The following WWOX variants were observed in gnomAD, a reference collection of about 807,000 sequenced individuals.
WWOX encodes the protein WW domain containing oxidoreductase.
A neutral mutation model predicts 46.2 loss-of-function variants in WWOX; 69 were observed. The observed-to-expected ratio is 1.49, with a 90% CI of 1.23 to 1.82. WWOX has a LOEUF of 1.82. Ranked by LOEUF, WWOX falls within the 40% of genes most tolerant of loss-of-function variation. The pLI is 0.00. For synonymous variants in WWOX, 359 were observed against 202.6 expected, an observed-to-expected ratio of 1.77 and a Z score of -6.56; for missense variants, 919 against 542.6, an observed-to-expected ratio of 1.69 and a Z score of -6.89.
intron 1 of WWOX, among the ~76,000 whole-genome samples, chr16:78,107,826 T>C (rs2032247677): frequency 6.6e-6 from 1 of 152,052 alleles, no homozygotes; most frequent in Non-Finnish European, 1.5e-5. Context: ...CACAAATAAA[T>C]AAACATTTTA....
At chr16:78,155,489 G>A (rs957547567) in intron 4 of WWOX, among the ~76,000 whole-genome samples, 2 of 152,184 alleles carry the variant, frequency 1.3e-5, no homozygotes, top group Admixed American at 6.5e-5. Context: ...CCAAGACAGT[G>A]AGCTATTAAG....
chr16:78,471,443 G>C (rs1180168719), intron 8 of WWOX, among the ~76,000 whole-genome samples: 1 of 152,132 alleles, frequency 6.6e-6, no homozygotes, highest in Non-Finnish European at 1.5e-5. Context: ...AGTGTTTCTA[G>C]GAAGTTACCA....
At chr16:78,703,648 G>GT (rs999559789) in intron 8 of WWOX, among the ~76,000 whole-genome samples, 9 of 151,362 alleles carry the variant, frequency 5.9e-5, no homozygotes, top group East Asian at 1.9e-4. Flanking sequence ...TGTTTGTTTG[G>GT]TTTTTTTTGG....
intron 8 of WWOX, among the ~76,000 whole-genome samples, chr16:79,072,184 G>C (rs1305720807): frequency 1.3e-5 from 2 of 152,126 alleles, no homozygotes; most frequent in East Asian, 3.9e-4. Flanking sequence ...TACTCAGGAA[G>C]CTGAGATGGG....
intron 8 of WWOX, among the ~76,000 whole-genome samples, chr16:78,586,027 A>T (rs942515502): frequency 6.6e-6 from 1 of 151,706 alleles, no homozygotes; most frequent in African/African-American, 2.4e-5. Flanking sequence ...GCAAGATGTC[A>T]TCTCTACCAA....
chr16:78,130,163 C>T (rs1042460024), intron 4 of WWOX: 1 of 152,226 alleles, frequency 6.6e-6, no homozygotes, highest in Admixed American at 6.5e-5. Context: ...AATTAAACCT[C>T]TTTCCTTTAT....
chr16:78,525,009 G>A (rs1433729859), intron 8 of WWOX, among the ~76,000 whole-genome samples: 1 of 150,592 alleles, frequency 6.6e-6, no homozygotes, highest in Admixed American at 6.6e-5. Flanking sequence ...GGAATTACGG[G>A]CTCATGCCAC....
At chr16:78,602,038 T>C (rs1161685364) in intron 8 of WWOX, among the ~76,000 whole-genome samples, 1 of 152,232 alleles carries the variant, frequency 6.6e-6, no homozygotes, top group Non-Finnish European at 1.5e-5. Flanking sequence ...AAATATCTTA[T>C]TAAAATGCAG....
chr16:78,677,308 T>C (rs17722251), intron 8 of WWOX, among the ~76,000 whole-genome samples: 17,331 of 152,216 alleles, frequency 0.11, 1,194 homozygotes, highest in East Asian at 0.25. Flanking sequence ...ACTCATTACG[T>C]ACACTCTGCC....
At chr16:78,775,196 C>G (rs2050159562) in intron 8 of WWOX, among the ~76,000 whole-genome samples, 2 of 152,178 alleles carry the variant, frequency 1.3e-5, no homozygotes, top group African/African-American at 4.8e-5. Flanking sequence ...TCTCTTCTGC[C>G]TGTTCATTGA....
intron 5 of WWOX, among the ~76,000 whole-genome samples, chr16:78,347,339 C>G (rs2081111031): frequency 8.5e-6 from 1 of 117,768 alleles, no homozygotes; most frequent in Non-Finnish European, 2.0e-5. Flanking sequence ...CAAATCCATT[C>G]CAATATGACT....
At chr16:78,327,766 A>C (rs569690244) in intron 5 of WWOX, among the ~76,000 whole-genome samples, 1 of 152,096 alleles carries the variant, frequency 6.6e-6, no homozygotes, top group South Asian at 2.1e-4. Flanking sequence ...TATTTAGTCT[A>C]CAGTGGTTCT....
At chr16:78,546,906 C>T (rs1053921641) in intron 8 of WWOX, among the ~76,000 whole-genome samples, 2 of 151,948 alleles carry the variant, frequency 1.3e-5, no homozygotes, top group Non-Finnish European at 2.9e-5. Flanking sequence ...GCGGGTGGAT[C>T]ACTTGAGCCC....
chr16:78,420,770 T>C (rs58135246), intron 6 of WWOX, among the ~76,000 whole-genome samples: 9,117 of 152,002 alleles, frequency 0.06, 902 homozygotes, highest in African/African-American at 0.21. Flanking sequence ...TTTTATGGTA[T>C]GTGCATTATA....
intron 8 of WWOX, among the ~76,000 whole-genome samples, chr16:78,571,986 T>G (rs971095339): frequency 1.3e-5 from 2 of 152,220 alleles, no homozygotes; most frequent in African/African-American, 4.8e-5. Context: ...TAGGGAATTT[T>G]ATGCATTACT....
chr16:78,541,938 G>C (rs1168814926), intron 8 of WWOX, among the ~76,000 whole-genome samples: 1 of 141,620 alleles, frequency 7.1e-6, no homozygotes, highest in Admixed American at 7.9e-5. Flanking sequence ...AGAATCAGTT[G>C]AGGACAGATG....
At chr16:79,112,405 C>G (rs1273471554) in intron 8 of WWOX, among the ~76,000 whole-genome samples, 1 of 152,158 alleles carries the variant, frequency 6.6e-6, no homozygotes, top group Non-Finnish European at 1.5e-5. Context: ...TGCTCATACC[C>G]TGGACCAAGA....
intron 8 of WWOX, among the ~76,000 whole-genome samples, chr16:78,566,559 G>T (rs984370092): frequency 6.6e-6 from 1 of 152,178 alleles, no homozygotes; most frequent in Non-Finnish European, 1.5e-5. Flanking sequence ...GAGGCTGTCT[G>T]TGCTGAGGCT....
chr16:78,493,029 T>C (rs947174158), intron 8 of WWOX, among the ~76,000 whole-genome samples: 3 of 152,274 alleles, frequency 2.0e-5, no homozygotes, highest in Admixed American at 2.0e-4. Context: ...AAGTGACGTT[T>C]TGATGAAAAC....
Sources: gnomAD v4.1 joint callset for allele counts (sites outside exome capture counted in the v4.1 genomes callset) on GRCh38, gnomAD v4.1.1 for gene constraint, MANE v1.5 for transcripts, NCBI Gene and HGNC (gene_info 2026-07-23, HGNC 2026-07-21) for gene names.